DIP2C: variants seen among roughly 807,000 people sequenced by gnomAD.
DIP2C encodes disco-interacting protein 2 homolog C.
A neutral mutation model predicts 192.4 loss-of-function variants in DIP2C; 33 were observed. The ratio of observed to expected loss-of-function variants is 0.17; its 90% CI spans 0.13 to 0.23. The LOEUF (loss-of-function observed/expected upper bound fraction) is 0.23. Among genes scored for constraint, DIP2C ranks in the 10% least tolerant of loss-of-function variants. The pLI is 1.00. For missense variants in DIP2C, 1,537 were observed against 2,110.1 expected (o/e 0.73, Z 5.32); for synonymous variants, 979 against 864.1 (o/e 1.13, Z -2.33).
chr10:413,656 T>C (rs546623125), intron 8 of DIP2C, among the ~76,000 whole-genome samples: 76 of 152,274 alleles, frequency 5.0e-4, no homozygotes, highest in African/African-American at 1.8e-3. Flanking sequence ...ACACTGAGCT[T>C]TGTGTGTTTG....
At chr10:635,427 C>T (rs74645266) in intron 1 of DIP2C, among the ~76,000 whole-genome samples, 6,658 of 152,320 alleles carry the variant, frequency 0.044, 499 homozygotes, top group African/African-American at 0.15. Context: ...AGACACTGTA[C>T]AGAGACCAGG....
Position 347,276 on chromosome 10 carries a change from G to T in DIP2C, c.3231+1365C>A, listed in dbSNP as rs1392259285. Among the ~76,000 whole-genome samples the T allele has an allele frequency of 8.7e-5, 10 of 114,536 alleles. 1 individual carries two copies. Among genetic ancestry groups the T allele is most frequent in the African/African-American group, 3.9e-4 (10 of 25,776 alleles). 75.1% of individuals were successfully genotyped at this position (114,536 alleles called of 152,430 possible). A position where few individuals can be genotyped will look rare whatever the true frequency, so the allele number is the denominator to read the frequency against. On this transcript the variant is annotated intron_variant, in intron 26 of 36. Transcript: ENST00000280886. Reference sequence around the variant, plus strand: ...CACGCACCCAACCCAGACACATCACGCATAGTTCTCCCGGGAACCCCACAC... The same window carrying T: ...CACGCACCCAACCCAGACACATCACTCATAGTTCTCCCGGGAACCCCACAC...
chr10:543,728 G>C (rs1298085429), intron 1 of DIP2C, among the ~76,000 whole-genome samples: 1 of 152,170 alleles, frequency 6.6e-6, no homozygotes, highest in African/African-American at 2.4e-5. Flanking sequence ...CACCAAATAA[G>C]TTCTTTAGTT....
At chr10:414,381 G>A (rs990111610) in intron 7 of DIP2C, among the ~76,000 whole-genome samples, 3 of 152,132 alleles carry the variant, frequency 2.0e-5, no homozygotes, top group Admixed American at 1.3e-4. Context: ...TGGAAACTGC[G>A]CTGCACACTG....
intron 1 of DIP2C, among the ~76,000 whole-genome samples, chr10:523,515 C>T (rs1422178170): frequency 6.9e-6 from 1 of 145,948 alleles, no homozygotes; most frequent in African/African-American, 2.5e-5. Flanking sequence ...CCCACACACT[C>T]GTTTCTACCT....
At chr10:591,132 GT>G (rs1554748852) in intron 1 of DIP2C, among the ~76,000 whole-genome samples, 1 of 151,884 alleles carries the variant, frequency 6.6e-6, no homozygotes, top group Admixed American at 6.6e-5. Flanking sequence ...TTTTTGTTTT[GT>G]TTTTTTTAGA....
rs1209146510 is a variant in DIP2C, at chr10:603,335, CA to C, written c.85+86158del. Among the ~76,000 whole-genome samples, 60 of 80,418 alleles carry C rather than the reference CA, an allele frequency of 7.5e-4. 2 individuals carry two copies. The highest frequency in any genetic ancestry group is 4.4e-3 in the African/African-American group (58 of 13,200). 52.8% of individuals were successfully genotyped at this position (80,418 alleles called of 152,430 possible). A position where few individuals can be genotyped will look rare whatever the true frequency, so the allele number is the denominator to read the frequency against. ...AAAAAAAAAAAAAAAAAAAAAAAAC[CA>C]ACCATGAGATTTTGCTGCTTCATAC... is the stretch of plus-strand genomic sequence containing the variant. On this transcript the variant is annotated intron_variant, in intron 1 of 36. Transcript: ENST00000280886.
intron 1 of DIP2C, among the ~76,000 whole-genome samples, chr10:677,561 G>A (rs1364879109): frequency 1.3e-5 from 2 of 152,154 alleles, no homozygotes; most frequent in Non-Finnish European, 2.9e-5. Context: ...ACTCCACCTT[G>A]TTCCTTTATG....
chr10:577,297 C>T (rs530901976), intron 1 of DIP2C, among the ~76,000 whole-genome samples: 15 of 152,196 alleles, frequency 9.9e-5, no homozygotes, highest in Middle Eastern at 3.4e-3. Context: ...AATTCACTAG[C>T]GATTAGCAAA....
In DIP2C at chr10:654,935, T is replaced by C. The variant is rs573380460; in HGVS notation, c.85+34559A>G. Among the ~76,000 whole-genome samples, 11 of 152,366 alleles carry C rather than the reference T, an allele frequency of 7.2e-5. No homozygotes were observed. The East Asian group carries it at 1.9e-3, about 27-fold the overall frequency. Reference sequence around the variant, plus strand: ...ATATAATACTGTACTATCTGTTCTATTCTATACTATTTTCTTCTATACTGA... The same window carrying C: ...ATATAATACTGTACTATCTGTTCTACTCTATACTATTTTCTTCTATACTGA... On this transcript the variant is annotated intron_variant, in intron 1 of 36. Coordinates refer to ENST00000280886, the MANE Select transcript of DIP2C (RefSeq NM_014974.3).
chr10:640,018 C>G (rs530456940), intron 1 of DIP2C, among the ~76,000 whole-genome samples: 1 of 151,148 alleles, frequency 6.6e-6, no homozygotes, highest in Non-Finnish European at 1.5e-5. Context: ...TCCACGCATC[C>G]CCACGCGGCT....
intron 1 of DIP2C, among the ~76,000 whole-genome samples, chr10:551,834 G>C (rs565208027): frequency 5.3e-5 from 8 of 152,332 alleles, no homozygotes; most frequent in Non-Finnish European, 1.0e-4. Flanking sequence ...CTGCACCTTT[G>C]AAATGCGGCT....
At chr10:443,765 G>C (rs1212844053) in intron 3 of DIP2C, among the ~76,000 whole-genome samples, 1 of 152,058 alleles carries the variant, frequency 6.6e-6, no homozygotes, top group African/African-American at 2.4e-5. Flanking sequence ...AATTTATTAA[G>C]CTTATTTGCT....
chr10:635,447 G>C (rs1324764874), intron 1 of DIP2C, among the ~76,000 whole-genome samples: 6 of 152,262 alleles, frequency 3.9e-5, no homozygotes, highest in Non-Finnish European at 4.4e-5. Context: ...GGACTGGGCA[G>C]GGGGAGGTGG....
chr10:304,896 C>T (rs566823075), intron 32 of DIP2C, among the ~76,000 whole-genome samples: 1 of 152,176 alleles, frequency 6.6e-6, no homozygotes, highest in East Asian at 1.9e-4. Flanking sequence ...CACACTCATA[C>T]TTGCATGTAC....
chr10:398,028 A>AAT (rs552844289), intron 10 of DIP2C, among the ~76,000 whole-genome samples: 118 of 152,298 alleles, frequency 7.7e-4, no homozygotes, highest in Non-Finnish European at 1.5e-3. Flanking sequence ...CAACATGACA[A>AAT]ATAGCAGGCC....
intron 33 of DIP2C, 23 bp downstream of exon 33, chr10:288,341 G>A (rs375482011): frequency 3.0e-5 from 48 of 1,609,556 alleles, no homozygotes; most frequent in African/African-American, 2.8e-4. Context: ...ACAGAAATGC[G>A]TGCCTCTTCC....
In DIP2C at chr10:362,524, G is replaced by C. The variant is rs140312572; in HGVS notation, c.2760C>G (p.Val920=). 2.5e-6 allele frequency: 4 copies of C among 1,613,852 alleles called. No individual in the cohort carries two copies. Among genetic ancestry groups the C allele is most frequent in the Non-Finnish European group, 3.4e-6 (4 of 1,179,938 alleles). The change falls in exon 22 of 37, where the codon GTC becomes GTG. Residue 920 remains valine, a synonymous_variant. Transcript: ENST00000280886. ...CNVLMCPHTC[V]TNLPKPRQKQ... is the part of the protein sequence containing the mutation. ...TCTGTCGAGGCTTAGGCAAGTTTGT[G>C]ACGCAGGTGTGGGGGCACATTAGGA... is the stretch of plus-strand genomic sequence containing the variant.
At chr10:392,005 C>T (rs1010055277) in intron 10 of DIP2C, among the ~76,000 whole-genome samples, 2 of 152,210 alleles carry the variant, frequency 1.3e-5, no homozygotes, top group Admixed American at 1.3e-4. Flanking sequence ...CCAAATGAGC[C>T]AACCAGCACA....
Sources: gnomAD v4.1 joint callset for allele counts (sites outside exome capture counted in the v4.1 genomes callset) on GRCh38, gnomAD v4.1.1 for gene constraint, MANE v1.5 for transcripts, NCBI Gene and HGNC (gene_info 2026-07-23, HGNC 2026-07-21) for gene names.